The following NOL4 variants were observed in gnomAD, a reference collection of about 807,000 sequenced individuals.
The protein encoded by NOL4 is nucleolar protein 4.
In NOL4, 17 loss-of-function variants were observed where a neutral mutation model predicts 75.9. That is an observed-to-expected ratio of 0.22 (90% confidence interval 0.15 to 0.34). The LOEUF is 0.34. Ranked by LOEUF, NOL4 falls within the 10% of genes least tolerant of loss-of-function variation. NOL4 has a pLI of 1.00. For synonymous variants in NOL4, 292 were observed against 289.9 expected, an observed-to-expected ratio of 1.01 and a Z score of -0.07; for missense variants, 614 against 793.5, an observed-to-expected ratio of 0.77 and a Z score of 2.72.
intron 2 of NOL4, among the ~76,000 whole-genome samples, chr18:34,106,560 T>A (rs9960099): frequency 0.015 from 2,313 of 151,900 alleles, 61 homozygotes; most frequent in African/African-American, 0.053. Flanking sequence ...ATATCCAGAT[T>A]TCAAAAAATA....
intron 5 of NOL4, among the ~76,000 whole-genome samples, chr18:34,041,898 A>T (rs2076157380): frequency 6.6e-6 from 1 of 152,002 alleles, no homozygotes; most frequent in African/African-American, 2.4e-5. Flanking sequence ...ATTGCTATAG[A>T]TAGATTTTAC....
chr18:33,981,829 A>T (rs1282605853), intron 6 of NOL4, among the ~76,000 whole-genome samples: 1 of 152,102 alleles, frequency 6.6e-6, no homozygotes, highest in East Asian at 1.9e-4. Flanking sequence ...CTGTGTTTTA[A>T]TAATACTAGC....
chr18:34,007,422 C>T (rs894193322), intron 6 of NOL4, among the ~76,000 whole-genome samples: 8 of 151,834 alleles, frequency 5.3e-5, no homozygotes, highest in African/African-American at 1.9e-4. Flanking sequence ...CCATGACTAG[C>T]TGAGGTGCTT....
intron 9 of NOL4, among the ~76,000 whole-genome samples, chr18:33,907,090 G>A (rs536841975): frequency 8.6e-5 from 13 of 152,040 alleles, no homozygotes; most frequent in Admixed American, 1.3e-4. Flanking sequence ...TTGGGAGGCC[G>A]AGGCAGGTGG....
Position 33,923,148 on chromosome 18 carries a change from A to C in NOL4, c.1542+19917T>G, listed in dbSNP as rs959603087. Among the ~76,000 whole-genome samples the C allele has an allele frequency of 2.6e-5, 4 of 152,126 alleles. No individual in the cohort carries two copies. In the South Asian group the frequency reaches 8.3e-4, roughly 31 times the overall value. ...TATATTGATTGAGAAAGAAAGAATA[A>C]AACAAAGAATACCCTCATGGATTTG... On this transcript the variant is annotated intron_variant, in intron 9 of 10. Coordinates refer to ENST00000261592, the MANE Select transcript of NOL4 (RefSeq NM_003787.5).
intron 4 of NOL4, among the ~76,000 whole-genome samples, chr18:34,095,920 T>C (rs1244541142): frequency 6.6e-6 from 1 of 152,000 alleles, no homozygotes; most frequent in East Asian, 1.9e-4. Context: ...TAGTAAAATA[T>C]CATTTATATG....
intron 1 of NOL4, among the ~76,000 whole-genome samples, chr18:34,136,701 C>T (rs2080907073): frequency 6.6e-6 from 1 of 152,012 alleles, no homozygotes; most frequent in Admixed American, 6.6e-5. Context: ...GCTAAATAAA[C>T]TGAAATACAC....
intron 10 of NOL4, among the ~76,000 whole-genome samples, chr18:33,859,071 G>C (rs2062969842): frequency 6.6e-6 from 1 of 151,644 alleles, no homozygotes; most frequent in African/African-American, 2.4e-5. Context: ...TGCTGCTTTT[G>C]CCTTTGTTAG....
intron 5 of NOL4, among the ~76,000 whole-genome samples, chr18:34,080,402 T>C (rs2077951784): frequency 6.6e-6 from 1 of 152,194 alleles, no homozygotes. Flanking sequence ...TTCTGGCACA[T>C]AGTAGGTGGT....
Position 34,131,101 on chromosome 18 carries a change from C to T in NOL4, c.265-1081G>A, listed in dbSNP as rs576065236. Among the ~76,000 whole-genome samples, 5 of 146,798 alleles carry T rather than the reference C, an allele frequency of 3.4e-5. No homozygotes were observed. The East Asian group carries it at 7.8e-4, about 23-fold the overall frequency. On this transcript the variant is annotated intron_variant, in intron 1 of 10. Transcript: ENST00000261592. ...ACACACACACACACACACACACACA[C>T]ACTTCTTATTTGGACCCTGTGATAT...
At chr18:33,988,045 G>C (rs1181298344) in intron 6 of NOL4, among the ~76,000 whole-genome samples, 1 of 152,050 alleles carries the variant, frequency 6.6e-6, no homozygotes, top group African/African-American at 2.4e-5. Context: ...TCAAACACAG[G>C]GGGAAGGGCT....
chr18:34,098,574 T>C (rs1303521025), intron 4 of NOL4, among the ~76,000 whole-genome samples: 1 of 152,162 alleles, frequency 6.6e-6, no homozygotes, highest in Non-Finnish European at 1.5e-5. Flanking sequence ...CATAGAATAA[T>C]GAGTATTAAT....
At chr18:33,962,316 G>A (rs2070203125) in intron 6 of NOL4, among the ~76,000 whole-genome samples, 1 of 152,288 alleles carries the variant, frequency 6.6e-6, no homozygotes, top group Admixed American at 6.5e-5. Context: ...ATCATTAGAA[G>A]CCAGATTAAC....
rs567294881 is a variant in NOL4, at chr18:34,190,032, ATTATT to A, written c.264+32953_264+32957del. Among the ~76,000 whole-genome samples the A allele has an allele frequency of 3.0e-4, 44 of 148,402 alleles. No individual in the cohort carries two copies. The East Asian group carries it at 7.4e-3, about 25-fold the overall frequency. On this transcript the variant is annotated intron_variant, in intron 1 of 10. Coordinates refer to ENST00000261592, the MANE Select transcript of NOL4 (RefSeq NM_003787.5). ...ATATAGCTTGTTATATATATAACAT[ATTATT>A]TTATATATATTACTTATTTTATATC... is the stretch of plus-strand genomic sequence containing the variant.
intron 6 of NOL4, among the ~76,000 whole-genome samples, chr18:34,003,692 C>G (rs986105664): frequency 6.6e-6 from 1 of 152,184 alleles, no homozygotes; most frequent in East Asian, 1.9e-4. Flanking sequence ...CCATCATTCT[C>G]ATACACACTT....
intron 6 of NOL4, among the ~76,000 whole-genome samples, chr18:33,964,403 C>T (rs141562749): frequency 1.6e-3 from 247 of 149,700 alleles, no homozygotes; most frequent in African/African-American, 5.8e-3. Flanking sequence ...ATATGAAGCA[C>T]ATGGCACTAC....
chr18:33,981,225 T>A (rs1465303337), intron 6 of NOL4, among the ~76,000 whole-genome samples: 1 of 150,688 alleles, frequency 6.6e-6, no homozygotes, highest in African/African-American at 2.4e-5. Flanking sequence ...CCACAAAAGG[T>A]ATGAAATATA....
At chr18:34,059,910 A>G (rs2077001567) in intron 5 of NOL4, among the ~76,000 whole-genome samples, 1 of 152,080 alleles carries the variant, frequency 6.6e-6, no homozygotes, top group Admixed American at 6.6e-5. Context: ...TCCCAAATTC[A>G]TTACCGAGAT....
At chr18:33,865,177 T>C (rs1391516971) in intron 10 of NOL4, among the ~76,000 whole-genome samples, 2 of 152,150 alleles carry the variant, frequency 1.3e-5, no homozygotes. Flanking sequence ...TAAAGCCAGT[T>C]ACAGTGGTTC....
Sources: allele counts gnomAD v4.1 joint callset (sites outside exome capture counted in the v4.1 genomes callset), GRCh38; gene constraint gnomAD v4.1.1; transcripts MANE v1.5; gene names NCBI Gene and HGNC (gene_info 2026-07-23, HGNC 2026-07-21).